Variants in POU6F2 observed in about 807,000 individuals in gnomAD.
POU6F2 encodes POU class 6 homeobox 2.
A neutral mutation model predicts 71.3 loss-of-function variants in POU6F2; 31 were observed. That is an observed-to-expected ratio of 0.43 (90% CI 0.33 to 0.59). The LOEUF (loss-of-function observed/expected upper bound fraction) is 0.59, where lower values mean the gene tolerates loss of function less well. Ranked by LOEUF, POU6F2 falls within the 20% of genes least tolerant of loss-of-function variation. POU6F2 has a pLI of 0.04. For missense variants in POU6F2, 783 were observed against 856.8 expected (o/e 0.91, Z 1.07); for synonymous variants, 347 against 355.7 (o/e 0.98, Z 0.27).
intron 5 of POU6F2, among the ~76,000 whole-genome samples, chr7:39,397,479 C>CAT (rs138498102): frequency 0.027 from 3,898 of 142,458 alleles, 66 homozygotes; most frequent in Non-Finnish European, 0.042. Flanking sequence ...TAGAGAGAGA[C>CAT]ATATATATAT....
intron 4 of POU6F2, among the ~76,000 whole-genome samples, chr7:39,303,384 T>C (rs1414768348): frequency 6.6e-6 from 1 of 152,196 alleles, no homozygotes; most frequent in East Asian, 1.9e-4. Flanking sequence ...CCTGACCTCG[T>C]GATCTGCCTG....
intron 4 of POU6F2, among the ~76,000 whole-genome samples, chr7:39,277,060 T>C (rs949096319): frequency 1.3e-5 from 2 of 152,040 alleles, no homozygotes; most frequent in South Asian, 2.1e-4. Context: ...AATAATAATT[T>C]TTAAAAAATT....
At chr7:39,248,487 T>C (rs1783859232) in intron 4 of POU6F2, among the ~76,000 whole-genome samples, 1 of 152,202 alleles carries the variant, frequency 6.6e-6, no homozygotes, top group African/African-American at 2.4e-5. Context: ...TGTGTCCAGA[T>C]GTCTGTGCCT....
intron 2 of POU6F2, among the ~76,000 whole-genome samples, chr7:39,105,545 T>G (rs969332366): frequency 6.6e-6 from 1 of 152,116 alleles, no homozygotes; most frequent in Non-Finnish European, 1.5e-5. Context: ...TCAAGAAGTC[T>G]CAGCACAGGC....
chr7:39,190,827 G>A (rs1321079878), intron 2 of POU6F2, among the ~76,000 whole-genome samples: 3 of 151,534 alleles, frequency 2.0e-5, no homozygotes, highest in African/African-American at 7.3e-5. Context: ...TAGCAGAGAC[G>A]AGGTTTCACC....
At chr7:39,236,171 A>C (rs1318582579) in intron 4 of POU6F2, among the ~76,000 whole-genome samples, 1 of 152,166 alleles carries the variant, frequency 6.6e-6, no homozygotes, top group Non-Finnish European at 1.5e-5. Context: ...AATTTTCTTT[A>C]AATAGAACAC....
intron 4 of POU6F2, 32 bp downstream of exon 4, chr7:39,207,652 C>T (rs751825618): frequency 1.0e-5 from 16 of 1,584,860 alleles, no homozygotes; most frequent in Non-Finnish European, 1.4e-5. Flanking sequence ...CCACGTAAGG[C>T]TCTACCCGTT....
chr7:39,071,395 C>T (rs560663245), intron 1 of POU6F2, among the ~76,000 whole-genome samples: 16 of 152,120 alleles, frequency 1.1e-4, no homozygotes, highest in East Asian at 9.7e-4. Flanking sequence ...GCTTGCCCAC[C>T]GCTCTCCTCC....
At chr7:39,150,170 C>T (rs983438863) in intron 2 of POU6F2, among the ~76,000 whole-genome samples, 3 of 151,800 alleles carry the variant, frequency 2.0e-5, no homozygotes, top group African/African-American at 4.8e-5. Flanking sequence ...AGATTACAGG[C>T]GTAAGCCACC....
intron 1 of POU6F2, among the ~76,000 whole-genome samples, chr7:39,020,260 G>A (rs1789653884): frequency 6.6e-6 from 1 of 152,112 alleles, no homozygotes; most frequent in Non-Finnish European, 1.5e-5. Context: ...TGCATGATGA[G>A]CTATTTAGAA....
chr7:39,346,220 C>A (rs1443102766), intron 5 of POU6F2, among the ~76,000 whole-genome samples: 1 of 152,098 alleles, frequency 6.6e-6, no homozygotes, highest in Non-Finnish European at 1.5e-5. Context: ...AATTAGTTTA[C>A]CAAGAATCTA....
intron 1 of POU6F2, chr7:39,001,962 G>GATGTTGACGGTA (rs1413757267): frequency 6.6e-6 from 1 of 152,268 alleles, no homozygotes; most frequent in Non-Finnish European, 1.5e-5. Flanking sequence ...ATTTGTTGGT[G>GATGTTGACGGTA]ATGTTGATGG....
At chr7:39,248,510 G>C (rs867821996) in intron 4 of POU6F2, among the ~76,000 whole-genome samples, 2 of 152,104 alleles carry the variant, frequency 1.3e-5, no homozygotes, top group African/African-American at 4.8e-5. Flanking sequence ...CCACTACAGC[G>C]GGCGCCCAGA....
At chr7:39,462,868 C>A (rs1239828476) in intron 9 of POU6F2, among the ~76,000 whole-genome samples, 4 of 152,180 alleles carry the variant, frequency 2.6e-5, no homozygotes, top group African/African-American at 9.7e-5. Flanking sequence ...GTTTGTGCTG[C>A]TTATCACATT....
intron 1 of POU6F2, among the ~76,000 whole-genome samples, chr7:39,034,761 T>C (rs1790021689): frequency 6.6e-6 from 1 of 152,272 alleles, no homozygotes; most frequent in African/African-American, 2.4e-5. Flanking sequence ...TGAGGTGATG[T>C]GGTGAATGCA....
chr7:39,228,933 AAC>A (rs1232412413), intron 4 of POU6F2, among the ~76,000 whole-genome samples: 5 of 152,138 alleles, frequency 3.3e-5, no homozygotes, highest in Non-Finnish European at 7.4e-5. Context: ...CAATGGGGTA[AAC>A]ACACTCTGGG....
chr7:39,073,636 C>T (rs931113629), intron 1 of POU6F2, among the ~76,000 whole-genome samples: 5 of 152,202 alleles, frequency 3.3e-5, no homozygotes, highest in African/African-American at 7.2e-5. Flanking sequence ...GAGCAGCTGG[C>T]GCTGGGCGCA....
intron 4 of POU6F2, among the ~76,000 whole-genome samples, chr7:39,237,101 C>T (rs1794688501): frequency 6.6e-6 from 1 of 152,172 alleles, no homozygotes; most frequent in Admixed American, 6.5e-5. Flanking sequence ...CCTCCTTTTG[C>T]CTTGAGGGAA....
intron 2 of POU6F2, among the ~76,000 whole-genome samples, chr7:39,201,654 C>T (rs1267992547): frequency 6.6e-6 from 1 of 152,178 alleles, no homozygotes; most frequent in Non-Finnish European, 1.5e-5. Context: ...AGAGATGTAA[C>T]ATGTTTCCTA....
Sources: gnomAD v4.1 joint callset for allele counts (sites outside exome capture counted in the v4.1 genomes callset) on GRCh38, gnomAD v4.1.1 for gene constraint, MANE v1.5 for transcripts, NCBI Gene and HGNC (gene_info 2026-07-23, HGNC 2026-07-21) for gene names.